Variants in TENM3 observed in about 807,000 individuals in gnomAD.
The protein encoded by TENM3 is teneurin transmembrane protein 3.
Under a neutral mutation model 255.1 loss-of-function variants are expected in TENM3, and 63 were observed. That is an observed-to-expected ratio of 0.25 (90% CI 0.20 to 0.30). The LOEUF (loss-of-function observed/expected upper bound fraction) is 0.30, where lower values mean the gene tolerates loss of function less well. Ranked by LOEUF, TENM3 falls within the 10% of genes least tolerant of loss-of-function variation. The pLI is 1.00. For missense variants in TENM3, 2,929 were observed against 3,461.1 expected, an observed-to-expected ratio of 0.85 and a Z score of 3.86; for synonymous variants, 1,306 against 1,322.3, an observed-to-expected ratio of 0.99 and a Z score of 0.27.
the TENM3 span, among the ~76,000 whole-genome samples, chr4:181,494,182 A>G: frequency 3.9e-5 from 6 of 152,326 alleles, no homozygotes; most frequent in African/African-American, 1.4e-4. Flanking sequence ...ATTTGCTACT[A>G]ATGACTTATA....
the TENM3 span, among the ~76,000 whole-genome samples, chr4:181,809,283 A>G: frequency 3.3e-5 from 5 of 152,360 alleles, no homozygotes; most frequent in South Asian, 8.3e-4. Flanking sequence ...GGACCACTGC[A>G]CAGCAGAGTG....
the TENM3 span, chr4:181,975,135 CTTTT>C: frequency 1.7e-5 from 2 of 119,328 alleles, no homozygotes; most frequent in East Asian, 2.5e-4. Flanking sequence ...TGGAGTAGCT[CTTTT>C]TTTTTTTTTT....
At chr4:182,732,610 G>A (rs1579279795) in intron 16 of TENM3, among the ~76,000 whole-genome samples, 3 of 152,232 alleles carry the variant, frequency 2.0e-5, no homozygotes, top group East Asian at 1.9e-4. Flanking sequence ...AGGATGGATC[G>A]AGCCCAGGAA....
At chr4:182,499,378 G>C (rs1408293246) in intron 3 of TENM3, among the ~76,000 whole-genome samples, 3 of 152,196 alleles carry the variant, frequency 2.0e-5, no homozygotes, top group African/African-American at 7.2e-5. Flanking sequence ...TCTCACAGGA[G>C]TTCTAGCAGA....
intron 25 of TENM3, among the ~76,000 whole-genome samples, chr4:182,791,004 G>A (rs777102263): frequency 4.6e-5 from 7 of 152,076 alleles, no homozygotes; most frequent in African/African-American, 9.7e-5. Context: ...AGACTATTTC[G>A]ATGTTCTTAC....
At chr4:182,512,388 A>C (rs984233829) in intron 3 of TENM3, among the ~76,000 whole-genome samples, 1 of 152,178 alleles carries the variant, frequency 6.6e-6, no homozygotes, top group Non-Finnish European at 1.5e-5. Context: ...AAGTTGTCCC[A>C]TTGAACACCA....
At chr4:181,965,608 C>T in the TENM3 span, among the ~76,000 whole-genome samples, 237 of 152,298 alleles carry the variant, frequency 1.6e-3, 1 homozygote, top group East Asian at 0.02. Flanking sequence ...TACTTAATGG[C>T]AGCCAACGTT....
At chr4:181,747,197 A>G in the TENM3 span, among the ~76,000 whole-genome samples, 8 of 152,068 alleles carry the variant, frequency 5.3e-5, no homozygotes, top group African/African-American at 1.9e-4. Context: ...AGCATTTTAA[A>G]TTTTTACCAA....
chr4:182,316,541 G>C (rs1192150295), intron 1 of TENM3, among the ~76,000 whole-genome samples: 2 of 152,092 alleles, frequency 1.3e-5, no homozygotes, highest in African/African-American at 4.8e-5. Flanking sequence ...CTGGCATCTA[G>C]TGGGTAGAGG....
chr4:182,473,065 T>A (rs1733289239), intron 3 of TENM3, among the ~76,000 whole-genome samples: 1 of 152,224 alleles, frequency 6.6e-6, no homozygotes, highest in African/African-American at 2.4e-5. Flanking sequence ...ACGAAACTCC[T>A]CAACACTAGA....
intron 3 of TENM3, among the ~76,000 whole-genome samples, chr4:182,420,197 A>G (rs1237411138): frequency 1.3e-5 from 2 of 152,034 alleles, no homozygotes; most frequent in Non-Finnish European, 2.9e-5. Context: ...AGGAATTTCT[A>G]ATTCTCATGG....
the TENM3 span, among the ~76,000 whole-genome samples, chr4:181,944,235 G>A: frequency 6.6e-6 from 1 of 152,140 alleles, no homozygotes; most frequent in Admixed American, 6.5e-5. Context: ...GTGCAATCCC[G>A]TCTGAGTCTG....
chr4:182,148,518 A>G (rs1750114266), intron 1 of TENM3, among the ~76,000 whole-genome samples: 1 of 152,112 alleles, frequency 6.6e-6, no homozygotes, highest in Non-Finnish European at 1.5e-5. Flanking sequence ...CTTGCCCATC[A>G]AAGGATTTTA....
chr4:182,263,247 T>C (rs192778374), intron 1 of TENM3, among the ~76,000 whole-genome samples: 2 of 152,136 alleles, frequency 1.3e-5, no homozygotes, highest in South Asian at 4.2e-4. Flanking sequence ...ACTGCAGCAC[T>C]GATTGGGTGA....
chr4:182,417,256 G>C (rs549816945), intron 3 of TENM3, among the ~76,000 whole-genome samples: 1 of 152,160 alleles, frequency 6.6e-6, no homozygotes, highest in Non-Finnish European at 1.5e-5. Flanking sequence ...GATTACAGGC[G>C]TGAGCCACCG....
the TENM3 span, among the ~76,000 whole-genome samples, chr4:181,574,400 G>A: frequency 4.6e-5 from 7 of 151,810 alleles, no homozygotes; most frequent in Middle Eastern, 3.4e-3. Flanking sequence ...GCGCGGTGGC[G>A]GGCGCCTGTA....
chr4:182,538,650 A>G (rs1238223113), intron 3 of TENM3, among the ~76,000 whole-genome samples: 1 of 152,226 alleles, frequency 6.6e-6, no homozygotes, highest in African/African-American at 2.4e-5. Flanking sequence ...ATTTTGCATT[A>G]TTACCTTGGT....
chr4:182,621,730 A>T lies in TENM3; in HGVS notation c.750-6921A>T, dbSNP rs1205198675. Among the ~76,000 whole-genome samples, 37 of 3,776 alleles carry T rather than the reference A, an allele frequency of 9.8e-3. 3 individuals are homozygous for T. In the East Asian group the frequency reaches 0.26, roughly 26 times the overall value. The allele number at this position is 3,776 out of a possible 152,430, so 2.5% of individuals were successfully genotyped here. ...AATATATAATATATATTATATATAA[A>T]ATATATAATATATAATATATTATAA... On this transcript the variant is annotated intron_variant, in intron 4 of 27. Coordinates refer to ENST00000511685, the MANE Select transcript of TENM3 (RefSeq NM_001080477.4).
the TENM3 span, among the ~76,000 whole-genome samples, chr4:181,882,763 T>C: frequency 6.6e-6 from 1 of 152,202 alleles, no homozygotes; most frequent in African/African-American, 2.4e-5. Context: ...AGTCCACTCA[T>C]CTAGTCCAAC....
Sources: gnomAD v4.1 joint callset for allele counts (sites outside exome capture counted in the v4.1 genomes callset) on GRCh38, gnomAD v4.1.1 for gene constraint, MANE v1.5 for transcripts, NCBI Gene and HGNC (gene_info 2026-07-23, HGNC 2026-07-21) for gene names.